The following QSOX1 variants were observed in gnomAD, a reference collection of about 807,000 sequenced individuals.
QSOX1 encodes the protein quiescin sulfhydryl oxidase 1.
A neutral mutation model predicts 76.1 loss-of-function variants in QSOX1; 40 were observed. The observed-to-expected ratio is 0.53, with a 90% CI of 0.41 to 0.68. The LOEUF (loss-of-function observed/expected upper bound fraction) is 0.68. Ranked by LOEUF, QSOX1 falls within the 30% of genes least tolerant of loss-of-function variation. The pLI is 0.00. For synonymous variants in QSOX1, 392 were observed against 413.1 expected (o/e 0.95, Z 0.62); for missense variants, 931 against 974.3 (o/e 0.96, Z 0.59).
rs562430961 is a variant in QSOX1 at position 180,194,921 on chromosome 1, G to A, written c.1468+529G>A. On this transcript the variant is annotated intron_variant, in intron 11 of 11. Transcript: ENST00000367602. ...ACATTAAACTCCAGGGAGCTGGGTC[G>A]GGAGGGAGCCATCTGTGGACAGGAG... Among the ~76,000 whole-genome samples, 7 of 152,224 alleles carry A rather than the reference G, an allele frequency of 4.6e-5. No homozygotes were observed. The South Asian group carries it at 8.3e-4, about 18-fold the overall frequency.
intron 4 of QSOX1, among the ~76,000 whole-genome samples, chr1:180,177,479 A>T (rs3767182): frequency 0.9 from 136,951 of 152,230 alleles, 62,002 homozygotes; most frequent in Non-Finnish European, 0.95. Context: ...GGTCTCAAAC[A>T]CCTCAGCTCA....
chr1:180,193,613 C>G (rs537637220), intron 10 of QSOX1, among the ~76,000 whole-genome samples: 1 of 123,836 alleles, frequency 8.1e-6, no homozygotes, highest in African/African-American at 3.0e-5. Flanking sequence ...GTGTCCTCAG[C>G]GGGGAGCCTG....
At chr1:180,164,636 C>T (rs371355606) in intron 1 of QSOX1, among the ~76,000 whole-genome samples, 6 of 152,270 alleles carry the variant, frequency 3.9e-5, no homozygotes, top group South Asian at 2.1e-4. Context: ...GCATCTGTCT[C>T]GTGGAGGTGA....
At position 180,190,585 on chromosome 1, in the gene QSOX1, G is replaced by A. The variant is rs1003382832; in HGVS notation, c.1288+5G>A. 9 of 1,610,560 alleles carry A rather than the reference G, an allele frequency of 5.6e-6. No individual in the cohort carries two copies. Among genetic ancestry groups the A allele is most frequent in the Non-Finnish European group, 7.6e-6 (9 of 1,177,350 alleles). On this transcript the variant is annotated splice_donor_5th_base_variant and intron_variant, in intron 10 of 11. Transcript: ENST00000367602. ...TAGACCACTCACAGGAAGCAGGTAC[G>A]TCCAGGACCCGTTCACCCCACTGTG...
intron 6 of QSOX1, among the ~76,000 whole-genome samples, 182 bp downstream of exon 6, chr1:180,182,501 G>A (rs552837788): frequency 6.6e-6 from 1 of 152,302 alleles, no homozygotes; most frequent in South Asian, 2.1e-4. Context: ...GCCTGGGCCT[G>A]AAACGCTAAC....
At position 180,181,016 on chromosome 1, in the gene QSOX1, A is replaced by T. The variant is rs60979333; in HGVS notation, c.607-1158A>T. Among the ~76,000 whole-genome samples, 3,373 of 152,158 alleles carry T rather than the reference A, an allele frequency of 0.022. 185 individuals carry two copies. In the East Asian group the frequency reaches 0.23, roughly 10 times the overall value. On this transcript the variant is annotated intron_variant, in intron 5 of 11. Transcript: ENST00000367602. ...TTGGTGCAGTGGGGCCAGGATTCCA[A>T]TGCAGGCAACTGTAGTGTACGGTGC...
At chr1:180,187,678 C>T (rs1663209108) in intron 8 of QSOX1, among the ~76,000 whole-genome samples, 1 of 152,248 alleles carries the variant, frequency 6.6e-6, no homozygotes, top group African/African-American at 2.4e-5. Flanking sequence ...CCCCTCTGTG[C>T]CTGCTGAGTC....
chr1:180,189,905 TGAA>T (rs1490103868), intron 9 of QSOX1, among the ~76,000 whole-genome samples: 3 of 152,230 alleles, frequency 2.0e-5, no homozygotes, highest in African/African-American at 7.2e-5. Flanking sequence ...ATTTAGCAGA[TGAA>T]GAAACAGTAC....
intron 1 of QSOX1, among the ~76,000 whole-genome samples, chr1:180,160,571 A>G (rs1359325916): frequency 1.3e-5 from 2 of 152,154 alleles, no homozygotes; most frequent in Admixed American, 1.3e-4. Flanking sequence ...CAGTTTGTGA[A>G]GTTACCCACA....
chr1:180,185,982 T>C (rs909426389), intron 7 of QSOX1, 71 bp from the exon 8 acceptor site: 2 of 1,559,408 alleles, frequency 1.3e-6, no homozygotes, highest in Admixed American at 3.3e-5. Context: ...CCTTTAGCCC[T>C]GGATGCTCCT....
At chr1:180,166,633 T>A (rs1662637311) in intron 2 of QSOX1, 42 bp downstream of exon 2, 3 of 1,577,880 alleles carry the variant, frequency 1.9e-6, no homozygotes, top group Non-Finnish European at 2.6e-6. Context: ...GGGCCTGCTT[T>A]GTTTCCCTTT....
In QSOX1 at chr1:180,184,264, G is replaced by GT. The variant is rs1197481144; in HGVS notation, c.887+216dup. On this transcript the variant is annotated intron_variant, in intron 7 of 11. Transcript: ENST00000367602. ...TTTAGCTGCGGTGCCTCTGGTGTCT[G>GT]TTGCGGGGCCGGGGCTGACTGGGGA... Among the ~76,000 whole-genome samples, 7 of 152,236 alleles carry GT rather than the reference G, an allele frequency of 4.6e-5. No homozygotes were observed. The East Asian group carries it at 1.3e-3, about 29-fold the overall frequency.
intron 1 of QSOX1, among the ~76,000 whole-genome samples, chr1:180,159,394 T>C (rs1662445020): frequency 6.6e-6 from 1 of 152,234 alleles, no homozygotes; most frequent in African/African-American, 2.4e-5. Flanking sequence ...GCTTTAACAA[T>C]GGAGCACTCA....
Position 180,190,505 on chromosome 1 carries a change from T to C in QSOX1, c.1213T>C (p.Cys405Arg). Residue 405 changes from cysteine to arginine, a missense_variant, in exon 10 of 12, where the codon TGC becomes CGC. Coordinates refer to ENST00000367602, the MANE Select transcript of QSOX1 (RefSeq NM_002826.5). ...TGAGCCGCATTTCCGGGGCTTTCCC[T>C]GCTCCCTGTGGGTCCTCTTCCACTT... ...GSEPHFRGFP[C>R]SLWVLFHFLT... 2 of 1,614,188 alleles carry C rather than the reference T, an allele frequency of 1.2e-6. No individual in the cohort carries two copies. The highest frequency in any genetic ancestry group is 1.7e-6 in the Non-Finnish European group (2 of 1,179,988).
At position 180,194,242 on chromosome 1, in the gene QSOX1, C is replaced by T. The variant is rs1339376551; in HGVS notation, c.1318C>T (p.Arg440Ter). 3.1e-6 allele frequency: 5 copies of T among 1,612,988 alleles called. No homozygotes were observed. Among genetic ancestry groups the T allele is most frequent in the Admixed American group, 1.7e-5 (1 of 59,934 alleles). The part of the protein sequence containing the change: ...AKAKEVLPAI[R>*]GYVHYFFGCR... ...GGCCAAGGAGGTCCTCCCAGCCATCCGAGGCTACGTGCACTACTTCTTCGG... is the reference window on the plus strand; with the variant it reads ...GGCCAAGGAGGTCCTCCCAGCCATCTGAGGCTACGTGCACTACTTCTTCGG... Residue 440 changes from arginine (R) to a stop codon, truncating the protein, a stop_gained, in exon 11 of 12, where the codon CGA becomes TGA. Coordinates refer to ENST00000367602, the MANE Select transcript of QSOX1 (RefSeq NM_002826.5). LOFTEE classifies it high-confidence loss of function.
chr1:180,164,006 C>G (rs1293335041), intron 1 of QSOX1, among the ~76,000 whole-genome samples: 2 of 152,116 alleles, frequency 1.3e-5, no homozygotes, highest in Non-Finnish European at 2.9e-5. Context: ...CGGGTTCATG[C>G]CAACCTAGGA....
chr1:180,174,656 A>G (rs951848261), intron 2 of QSOX1, among the ~76,000 whole-genome samples: 6 of 152,228 alleles, frequency 3.9e-5, no homozygotes, highest in African/African-American at 1.4e-4. Flanking sequence ...GTGGTACTTC[A>G]TCACTCATCC....
Position 180,197,059 on chromosome 1 carries a change from AG to A in QSOX1, c.*23del. 1 of 1,586,624 alleles carries A rather than the reference AG, an allele frequency of 6.3e-7. No homozygotes were observed. Among genetic ancestry groups the A allele is most frequent in the Non-Finnish European group, 8.6e-7 (1 of 1,167,094 alleles). ...CTGAACCACCTGGGGAGGAGGCGGG[AG>A]AGGGAGCTGCCATCTCTAGGCACCT... On this transcript the variant is annotated 3_prime_UTR_variant, in exon 12 of 12. Coordinates refer to ENST00000367602, the MANE Select transcript of QSOX1 (RefSeq NM_002826.5).
intron 2 of QSOX1, among the ~76,000 whole-genome samples, chr1:180,175,000 A>C (rs1572044366): frequency 6.9e-6 from 1 of 145,534 alleles, no homozygotes; most frequent in Non-Finnish European, 1.5e-5. Flanking sequence ...AAATACACAC[A>C]AAAAAAATTA....
Sources: allele counts gnomAD v4.1 joint callset (sites outside exome capture counted in the v4.1 genomes callset), GRCh38; gene constraint gnomAD v4.1.1; transcripts MANE v1.5; gene names NCBI Gene and HGNC (gene_info 2026-07-23, HGNC 2026-07-21).